AGBL1: variants seen among roughly 807,000 people sequenced by gnomAD.
The protein encoded by AGBL1 is cytosolic carboxypeptidase 4.
AGBL1 carries 130 observed loss-of-function variants against 118.9 expected under a neutral mutation model. The ratio of observed to expected loss-of-function variants is 1.09; its 90% CI spans 0.95 to 1.26. The LOEUF is 1.26. Among genes scored for constraint, AGBL1 ranks in the 50% most tolerant of loss-of-function variants. The pLI is 0.00. For missense variants in AGBL1, 1,584 were observed against 1,298.1 expected, an observed-to-expected ratio of 1.22 and a Z score of -3.38; for synonymous variants, 555 against 478.9, an observed-to-expected ratio of 1.16 and a Z score of -2.08.
rs114433486 is a variant in AGBL1 at position 86,291,640 on chromosome 15, A to G, written c.2221-3615A>G. On this transcript the variant is annotated intron_variant, in intron 16 of 22. Coordinates refer to ENST00000614907, the MANE Select transcript of AGBL1 (RefSeq NM_001386094.1). ...TACTTTGTCCTAGTAACTCCTCACT[A>G]TGGAATTATGTGGTCATGAGAGATT... Among the ~76,000 whole-genome samples the G allele has an allele frequency of 4.1e-3, 624 of 152,298 alleles. 6 individuals carry two copies. The highest frequency in any genetic ancestry group is 0.014 in the African/African-American group (582 of 41,570).
chr15:86,788,643 C>G (rs2078448824), intron 22 of AGBL1, among the ~76,000 whole-genome samples: 1 of 152,060 alleles, frequency 6.6e-6, no homozygotes, highest in South Asian at 2.1e-4. Context: ...AAAATCACGG[C>G]CATAAATTAG....
At chr15:86,730,470 C>G (rs1420248186) in intron 22 of AGBL1, among the ~76,000 whole-genome samples, 1 of 152,184 alleles carries the variant, frequency 6.6e-6, no homozygotes, top group Non-Finnish European at 1.5e-5. Flanking sequence ...TTTTTAATCA[C>G]TCTTAAACTT....
chr15:86,821,196 G>A (rs2141388516), intron 22 of AGBL1, among the ~76,000 whole-genome samples: 1 of 152,140 alleles, frequency 6.6e-6, no homozygotes, highest in Non-Finnish European at 1.5e-5. Context: ...GGTTGGGGGA[G>A]GGGATAGCAT....
At chr15:86,955,254 A>AT (rs2080917998) in intron 23 of AGBL1, among the ~76,000 whole-genome samples, 1 of 152,104 alleles carries the variant, frequency 6.6e-6, no homozygotes, top group African/African-American at 2.4e-5. Context: ...TTGTAATGAA[A>AT]TTTTTTTAAA....
intron 22 of AGBL1, among the ~76,000 whole-genome samples, chr15:86,849,586 A>C (rs190100501): frequency 1.4e-5 from 2 of 145,090 alleles, no homozygotes; most frequent in Admixed American, 1.4e-4. Flanking sequence ...ATCATGTGAG[A>C]ATAAAATTGC....
At chr15:86,186,474 GTGTAAAGA>G (rs1340685971) in intron 5 of AGBL1, among the ~76,000 whole-genome samples, 1 of 152,226 alleles carries the variant, frequency 6.6e-6, no homozygotes, top group Non-Finnish European at 1.5e-5. Context: ...ATCAATGTCA[GTGTAAAGA>G]TTGTTTGTTC....
At chr15:86,617,962 A>G (rs1297146629) in intron 21 of AGBL1, among the ~76,000 whole-genome samples, 3 of 152,180 alleles carry the variant, frequency 2.0e-5, no homozygotes, top group African/African-American at 7.2e-5. Context: ...AGGACTTCCT[A>G]TGGGTAAAAT....
intron 21 of AGBL1, among the ~76,000 whole-genome samples, chr15:86,639,363 T>C (rs2085154663): frequency 6.6e-6 from 1 of 152,186 alleles, no homozygotes; most frequent in African/African-American, 2.4e-5. Flanking sequence ...GTACCTTCAC[T>C]TCTACATGGA....
At chr15:86,629,812 T>A (rs2084937910) in intron 21 of AGBL1, among the ~76,000 whole-genome samples, 1 of 152,170 alleles carries the variant, frequency 6.6e-6, no homozygotes, top group Admixed American at 6.5e-5. Flanking sequence ...TTCCTTTATT[T>A]CAGGCCCTAA....
chr15:86,419,104 G>A (rs1324238210), intron 18 of AGBL1, among the ~76,000 whole-genome samples: 1 of 151,802 alleles, frequency 6.6e-6, no homozygotes. Context: ...TGCATATCTT[G>A]GCACTTTTGT....
intron 18 of AGBL1, among the ~76,000 whole-genome samples, chr15:86,487,718 A>G (rs1256392101): frequency 6.6e-6 from 1 of 152,068 alleles, no homozygotes; most frequent in African/African-American, 2.4e-5. Context: ...CATGATTAAT[A>G]TTATTTTTCT....
intron 1 of AGBL1, among the ~76,000 whole-genome samples, chr15:86,122,275 A>C (rs1898136268): frequency 6.6e-6 from 1 of 152,214 alleles, no homozygotes; most frequent in Non-Finnish European, 1.5e-5. Flanking sequence ...CATGGAAAAT[A>C]GGAAGGAGGA....
intron 22 of AGBL1, among the ~76,000 whole-genome samples, chr15:86,743,713 C>A (rs60572800): frequency 6.6e-6 from 1 of 152,046 alleles, no homozygotes; most frequent in Admixed American, 6.6e-5. Context: ...GATTCTGATG[C>A]GGATGATCCC....
intron 18 of AGBL1, among the ~76,000 whole-genome samples, chr15:86,494,609 G>A (rs923958919): frequency 2.6e-5 from 4 of 151,904 alleles, no homozygotes; most frequent in Admixed American, 6.6e-5. Context: ...ATCACCTACC[G>A]ATCAGGCTCA....
At chr15:86,180,718 A>G (rs2077540484) in intron 5 of AGBL1, among the ~76,000 whole-genome samples, 1 of 152,150 alleles carries the variant, frequency 6.6e-6, no homozygotes, top group Non-Finnish European at 1.5e-5. Flanking sequence ...AGGCATTATT[A>G]AAAGAATGAA....
At chr15:86,187,819 T>A (rs541098902) in intron 5 of AGBL1, among the ~76,000 whole-genome samples, 11 of 152,308 alleles carry the variant, frequency 7.2e-5, no homozygotes, top group Non-Finnish European at 1.6e-4. Context: ...TAGCTATCTG[T>A]ATTGACATTT....
intron 23 of AGBL1, among the ~76,000 whole-genome samples, chr15:86,957,471 T>C (rs2080942412): frequency 6.6e-6 from 1 of 151,996 alleles, no homozygotes; most frequent in African/African-American, 2.4e-5. Flanking sequence ...TATTTAGATA[T>C]ACTGTGAGAA....
At chr15:86,420,253 A>G (rs1435618037) in intron 18 of AGBL1, among the ~76,000 whole-genome samples, 1 of 152,170 alleles carries the variant, frequency 6.6e-6, no homozygotes. Context: ...TCTAGGATGA[A>G]GCTTCCAGAG....
intron 21 of AGBL1, among the ~76,000 whole-genome samples, chr15:86,603,180 C>T (rs1441260315): frequency 6.6e-6 from 1 of 152,118 alleles, no homozygotes; most frequent in Non-Finnish European, 1.5e-5. Flanking sequence ...CAACATTTAG[C>T]CATCCCCCAC....
Sources: gnomAD v4.1 joint callset for allele counts (sites outside exome capture counted in the v4.1 genomes callset) on GRCh38, gnomAD v4.1.1 for gene constraint, MANE v1.5 for transcripts, NCBI Gene and HGNC (gene_info 2026-07-23, HGNC 2026-07-21) for gene names.